Variants in ENTHD1 observed in about 807,000 individuals in gnomAD.
The protein encoded by ENTHD1 is ENTH domain containing 1.
ENTHD1 carries 23 observed loss-of-function variants against 39.1 expected under a neutral mutation model. The observed-to-expected ratio is 0.59, with a 90% confidence interval of 0.42 to 0.83. The LOEUF (loss-of-function observed/expected upper bound fraction) is 0.83. Ranked by LOEUF, ENTHD1 falls within the 40% of genes least tolerant of loss-of-function variation. ENTHD1 has a pLI of 0.00. For missense variants in ENTHD1, 624 were observed against 705.4 expected (o/e 0.88, Z 1.31); for synonymous variants, 230 against 258.2 (o/e 0.89, Z 1.05).
rs2066394654 is a variant in ENTHD1, at chr22:39,887,920, A to G, written c.-155-17T>C. ...ATCAATTTCCTGCAAGGAAAGCACA[A>G]AAAAATTTACATTAAACTTTTTTTT... On this transcript the variant is annotated splice_polypyrimidine_tract_variant and intron_variant, in intron 1 of 6. Transcript: ENST00000325157. 1 of 538,418 alleles carries G rather than the reference A, an allele frequency of 1.9e-6. No homozygotes were observed. The highest frequency in any genetic ancestry group is 3.0e-5 in the East Asian group (1 of 32,882). 33.4% of individuals were successfully genotyped at this position (538,418 alleles called of 1,614,324 possible).
chr22:39,777,778 C>T (rs2065377244), intron 5 of ENTHD1, among the ~76,000 whole-genome samples: 1 of 152,136 alleles, frequency 6.6e-6, no homozygotes, highest in Non-Finnish European at 1.5e-5. Context: ...AGTTAAGGTT[C>T]CACCAATTAT....
At position 39,892,676 on chromosome 22, in the gene ENTHD1, A is replaced by AG. The variant is rs1160439249; in HGVS notation, c.-156+1018_-156+1019insC. ...ACTTTATCCAAAGACTTGGGACAAT[A>AG]ATGACAATAGCATCTAAGAGGCTGA... On this transcript the variant is annotated intron_variant, in intron 1 of 6. Transcript: ENST00000325157. Among the ~76,000 whole-genome samples the AG allele has an allele frequency of 7.2e-3, 1,095 of 152,342 alleles. 18 individuals carry two copies. Among genetic ancestry groups the AG allele is most frequent in the African/African-American group, 0.025 (1,047 of 41,584 alleles).
intron 5 of ENTHD1, among the ~76,000 whole-genome samples, chr22:39,789,558 A>G (rs1439525465): frequency 1.3e-5 from 2 of 152,078 alleles, no homozygotes; most frequent in Non-Finnish European, 2.9e-5. Context: ...CATTTTTTAC[A>G]TTCATTCATT....
At chr22:39,790,501 C>G (rs906414563) in intron 5 of ENTHD1, among the ~76,000 whole-genome samples, 1 of 152,192 alleles carries the variant, frequency 6.6e-6, no homozygotes, top group African/African-American at 2.4e-5. Flanking sequence ...TATCTTTCTG[C>G]TGAGGTCTTT....
intron 5 of ENTHD1, among the ~76,000 whole-genome samples, chr22:39,792,298 G>A (rs1247587559): frequency 6.6e-6 from 1 of 151,836 alleles, no homozygotes; most frequent in Non-Finnish European, 1.5e-5. Context: ...TTAGTTCTTT[G>A]AGGAATCGCC....
At chr22:39,817,711 A>C (rs1314989618) in intron 5 of ENTHD1, among the ~76,000 whole-genome samples, 1 of 152,030 alleles carries the variant, frequency 6.6e-6, no homozygotes, top group Non-Finnish European at 1.5e-5. Flanking sequence ...TTTATTAAAT[A>C]ATTATGATAC....
In ENTHD1 at chr22:39,888,044, T is replaced by C. The variant is rs1191580738; in HGVS notation, c.-155-141A>G. On this transcript the variant is annotated intron_variant, in intron 1 of 6. Coordinates refer to ENST00000325157, the MANE Select transcript of ENTHD1 (RefSeq NM_152512.4). ...AGAATTGAGGGTACCATATAACTGTTCCTAGGATAGGCATGGGAAAATCCC... is the reference window on the plus strand; with the variant it reads ...AGAATTGAGGGTACCATATAACTGTCCCTAGGATAGGCATGGGAAAATCCC... The C allele has an allele frequency of 1.0e-5, 3 of 287,418 alleles. No individual in the cohort carries two copies. In the East Asian group the frequency reaches 1.9e-4, roughly 18 times the overall value. 17.8% of individuals were successfully genotyped at this position (287,418 alleles called of 1,614,324 possible).
chr22:39,767,864 C>G (rs1372370305), intron 5 of ENTHD1, among the ~76,000 whole-genome samples: 1 of 152,132 alleles, frequency 6.6e-6, no homozygotes, highest in East Asian at 1.9e-4. Flanking sequence ...CCTTAAAATT[C>G]AATGAAGCAA....
At chr22:39,864,632 G>T (rs2066169940) in intron 2 of ENTHD1, among the ~76,000 whole-genome samples, 1 of 152,118 alleles carries the variant, frequency 6.6e-6, no homozygotes, top group South Asian at 2.1e-4. Context: ...CACAGTAGAT[G>T]CTCAGTAAAT....
intron 6 of ENTHD1, among the ~76,000 whole-genome samples, chr22:39,761,833 G>A (rs997100197): frequency 6.6e-6 from 1 of 152,036 alleles, no homozygotes; most frequent in Admixed American, 6.6e-5. Context: ...TTAGTTGTGA[G>A]TACTTTAAGT....
At chr22:39,760,723 T>C (rs1160177372) in intron 6 of ENTHD1, among the ~76,000 whole-genome samples, 1 of 152,040 alleles carries the variant, frequency 6.6e-6, no homozygotes, top group African/African-American at 2.4e-5. Flanking sequence ...TCGAATATAT[T>C]TTTACTATTC....
chr22:39,838,458 T>C (rs774602059), intron 3 of ENTHD1, among the ~76,000 whole-genome samples: 1 of 152,256 alleles, frequency 6.6e-6, no homozygotes, highest in Non-Finnish European at 1.5e-5. Context: ...ACTATTATAA[T>C]AAAGCACCTT....
chr22:39,766,784 T>G (rs994950922), intron 5 of ENTHD1, among the ~76,000 whole-genome samples: 1 of 152,170 alleles, frequency 6.6e-6, no homozygotes, highest in Admixed American at 6.5e-5. Context: ...CATCTGCAGT[T>G]GGAGGTTAGC....
rs778576903 is a variant in ENTHD1 at position 39,765,392 on chromosome 22, T to C, written c.1050A>G (p.Ser350=). The C allele has an allele frequency of 1.9e-6, 3 of 1,613,936 alleles. No individual in the cohort carries two copies. In the African/African-American group the frequency reaches 4.0e-5, roughly 22 times the overall value. The change falls in exon 6 of 7, where the codon TCA becomes TCG. Residue 350 remains serine, a synonymous_variant. Transcript: ENST00000325157. ...EEFISPDLRV[S]KSDSTFHNQA... ...GGTTATGGAAAGTAGAATCTGACTTTGATACCCTTAAGTCGGGGCTGATAA... is the reference window on the plus strand; with the variant it reads ...GGTTATGGAAAGTAGAATCTGACTTCGATACCCTTAAGTCGGGGCTGATAA...
intron 5 of ENTHD1, among the ~76,000 whole-genome samples, chr22:39,801,165 TACTAAGC>T (rs1340376763): frequency 6.6e-6 from 1 of 152,268 alleles, no homozygotes; most frequent in Non-Finnish European, 1.5e-5. Flanking sequence ...TAATTATCAT[TACTAAGC>T]ACTAAGCACT....
chr22:39,852,201 G>A (rs2066046372), intron 3 of ENTHD1, among the ~76,000 whole-genome samples: 1 of 151,500 alleles, frequency 6.6e-6, no homozygotes, highest in Non-Finnish European at 1.5e-5. Context: ...CCCAAATTTA[G>A]CCGGTGTGGT....
intron 3 of ENTHD1, among the ~76,000 whole-genome samples, chr22:39,845,177 A>G (rs2065976990): frequency 6.7e-6 from 1 of 149,940 alleles, no homozygotes; most frequent in South Asian, 2.1e-4. Flanking sequence ...TTCTGAACAA[A>G]CAACAGCCAA....
At chr22:39,891,097 C>T (rs1227448577) in intron 1 of ENTHD1, among the ~76,000 whole-genome samples, 2 of 152,188 alleles carry the variant, frequency 1.3e-5, no homozygotes, top group Non-Finnish European at 2.9e-5. Flanking sequence ...TCTTGGTTGT[C>T]TGGCTACCCA....
At chr22:39,849,920 G>A (rs139828436) in intron 3 of ENTHD1, among the ~76,000 whole-genome samples, 3 of 152,258 alleles carry the variant, frequency 2.0e-5, no homozygotes, top group Non-Finnish European at 2.9e-5. Context: ...CAAAGCTGAC[G>A]TAGCAAGGAG....
Sources: allele counts gnomAD v4.1 joint callset (sites outside exome capture counted in the v4.1 genomes callset), GRCh38; gene constraint gnomAD v4.1.1; transcripts MANE v1.5; gene names NCBI Gene and HGNC (gene_info 2026-07-23, HGNC 2026-07-21).